Variants in GBP4 observed in about 807,000 individuals in gnomAD.
GBP4 encodes the protein guanylate-binding protein 4.
Under a neutral mutation model 62.2 loss-of-function variants are expected in GBP4, and 69 were observed. The ratio of observed to expected loss-of-function variants is 1.11; its 90% CI spans 0.91 to 1.36. The LOEUF (loss-of-function observed/expected upper bound fraction) is 1.36. Ranked by LOEUF, GBP4 falls within the 40% of genes most tolerant of loss-of-function variation. GBP4 has a pLI of 0.00. For synonymous variants in GBP4, 278 were observed against 274.6 expected, an observed-to-expected ratio of 1.01 and a Z score of -0.12; for missense variants, 697 against 759.3, an observed-to-expected ratio of 0.92 and a Z score of 0.96.
At chr1:89,192,809 T>C (rs1648222459) in intron 5 of GBP4, 95 bp downstream of exon 5, 1 of 1,172,718 alleles carries the variant, frequency 8.5e-7, no homozygotes, top group Non-Finnish European at 1.2e-6. Context: ...ATCAATCCAG[T>C]CTAATGTAAA....
intron 2 of GBP4, among the ~76,000 whole-genome samples, chr1:89,195,632 C>T (rs1346130014): frequency 6.6e-6 from 1 of 152,086 alleles, no homozygotes; most frequent in Admixed American, 6.5e-5. Flanking sequence ...TAGTAGACAG[C>T]GGTTCAGTCC....
intron 3 of GBP4, among the ~76,000 whole-genome samples, chr1:89,194,921 G>C (rs1312539203): frequency 2.0e-5 from 3 of 152,148 alleles, no homozygotes; most frequent in Non-Finnish European, 4.4e-5. Context: ...TCGAATGACT[G>C]AACTAGCTTC....
At position 89,186,517 on chromosome 1, in the gene GBP4, G is replaced by T. The variant is rs773408251; in HGVS notation, c.1523C>A (p.Ala508Asp). 1.2e-6 allele frequency: 2 copies of T among 1,613,652 alleles called. No individual in the cohort carries two copies. The highest frequency in any genetic ancestry group is 1.7e-6 in the Non-Finnish European group (2 of 1,179,904). Residue 508 changes from alanine to aspartate, a missense_variant, in exon 10 of 11, where the codon GCC becomes GAC. Ala to Asp is a moderately radical substitution (Grantham distance 126). Coordinates refer to ENST00000355754, the MANE Select transcript of GBP4 (RefSeq NM_052941.5). ...AGEKAIAAER[A>D]MKEAAEKEQE... ...TTCCTTCTCAGCTGCTTCCTTCATG[G>T]CCCGCTCCGCTATTCCACAAAGGTT...
intron 5 of GBP4, among the ~76,000 whole-genome samples, chr1:89,192,699 A>C (rs1648217492): frequency 6.6e-6 from 1 of 152,332 alleles, no homozygotes; most frequent in Middle Eastern, 3.4e-3. Flanking sequence ...AAATTTCCTC[A>C]ATGAATTTGA....
At chr1:89,194,858 T>C (rs1427266249) in intron 3 of GBP4, among the ~76,000 whole-genome samples, 1 of 152,200 alleles carries the variant, frequency 6.6e-6, no homozygotes, top group Non-Finnish European at 1.5e-5. Context: ...CCTTAAATAG[T>C]AGATCCCATT....
At chr1:89,191,582 C>A (rs112272933) in intron 5 of GBP4, 76 bp from the exon 6 acceptor site, 1 of 1,394,908 alleles carries the variant, frequency 7.2e-7, no homozygotes, top group Non-Finnish European at 9.9e-7. Context: ...TTCCAGGGAT[C>A]TTTGCATCCC....
At chr1:89,196,112 C>T (rs1429840355) in intron 2 of GBP4, among the ~76,000 whole-genome samples, 1 of 151,906 alleles carries the variant, frequency 6.6e-6, no homozygotes, top group Non-Finnish European at 1.5e-5. Context: ...TACATGTGCA[C>T]CAGGATATAA....
At chr1:89,196,352 G>A (rs2100679951) in intron 2 of GBP4, among the ~76,000 whole-genome samples, 1 of 152,236 alleles carries the variant, frequency 6.6e-6, no homozygotes, top group East Asian at 1.9e-4. Context: ...AAGTTTAAAA[G>A]CAGACCAACC....
chr1:89,187,028 G>C lies in GBP4; in HGVS notation c.1485C>G (p.Ala495=). 1.2e-6 allele frequency: 2 copies of C among 1,614,048 alleles called. No individual in the cohort carries two copies. The highest frequency in any genetic ancestry group is 1.7e-6 in the Non-Finnish European group (2 of 1,179,984). Residue 495 remains alanine, a synonymous_variant, in exon 9 of 11, where the codon GCC becomes GCG. Transcript: ENST00000355754. ...VEESILQSDK[A]LTAGEKAIAA... ...CTATGGCCTTCTCTCCAGCAGTGAG[G>C]GCTTTGTCTGACTGCAGGATGGATT...
At position 89,185,328 on chromosome 1, in the gene GBP4, T is replaced by C. The variant is rs1648006032; in HGVS notation, c.1849A>G (p.Ile617Val). The stretch of plus-strand genomic sequence containing the variant: ...GCCCCAGGTAGAGTGACAATCATTA[T>C]GTTGCTAGCCATGTCAAGGATCTTT... The part of the protein sequence containing the change: ...LLKILDMASN[I>V]MIVTLPGASK... The change falls in exon 11 of 11, where the codon ATA becomes GTA. Residue 617 changes from isoleucine to valine, a missense_variant. Physicochemically the swap from Ile to Val is conservative, Grantham distance 29 (BLOSUM62 3). Around this residue, in one of 2 missense-constraint regions of GBP4, gnomAD observed 141 missense variants for 196.6 expected, o/e 0.72. Coordinates refer to ENST00000355754, the MANE Select transcript of GBP4 (RefSeq NM_052941.5). 1 of 1,613,710 alleles carries C rather than the reference T, an allele frequency of 6.2e-7. No individual in the cohort carries two copies. Among genetic ancestry groups the C allele is most frequent in the African/African-American group, 1.3e-5 (1 of 75,060 alleles).
At chr1:89,187,800 T>C (rs1648077469) in intron 8 of GBP4, among the ~76,000 whole-genome samples, 1 of 152,210 alleles carries the variant, frequency 6.6e-6, no homozygotes. Flanking sequence ...ATCTCACACA[T>C]TTTAGAATGA....
At chr1:89,185,778 T>C (rs1438248527) in intron 10 of GBP4, among the ~76,000 whole-genome samples, 1 of 152,188 alleles carries the variant, frequency 6.6e-6, no homozygotes, top group South Asian at 2.1e-4. Context: ...TTTCCACTGG[T>C]GTAGCAAGGC....
intron 8 of GBP4, among the ~76,000 whole-genome samples, chr1:89,188,322 A>C (rs1462744189): frequency 2.0e-5 from 3 of 152,204 alleles, no homozygotes; most frequent in African/African-American, 4.8e-5. Flanking sequence ...CTTAGCACAA[A>C]AACTATCCCA....
At chr1:89,186,167 G>A (rs932793407) in intron 10 of GBP4, among the ~76,000 whole-genome samples, 166 bp downstream of exon 10, 1 of 152,224 alleles carries the variant, frequency 6.6e-6, no homozygotes, top group African/African-American at 2.4e-5. Context: ...GATTCTTGTA[G>A]ACTTTCGGGC....
intron 6 of GBP4, 36 bp from the exon 7 acceptor site, chr1:89,190,354 T>C (rs746672685): frequency 6.6e-7 from 1 of 1,510,028 alleles, no homozygotes; most frequent in Admixed American, 2.1e-5. Context: ...TTTACAGTTC[T>C]TACTCATTAT....
rs1570373668 is a variant in GBP4, at chr1:89,188,808, G to A, written c.1198-14C>T. 3.1e-6 allele frequency: 5 copies of A among 1,613,586 alleles called. No homozygotes were observed. Among genetic ancestry groups the A allele is most frequent in the Non-Finnish European group, 4.2e-6 (5 of 1,179,692 alleles). On this transcript the variant is annotated splice_polypyrimidine_tract_variant and intron_variant, in intron 7 of 10. Transcript: ENST00000355754. Reference sequence around the variant, plus strand: ...CTCTATGGTGTCCTGCCAGAAAAATGTAGAGAAAACAGTAGAAAGAAGCTG... The same window carrying A: ...CTCTATGGTGTCCTGCCAGAAAAATATAGAGAAAACAGTAGAAAGAAGCTG...
intron 1 of GBP4, 134 bp from the exon 2 acceptor site, chr1:89,197,438 A>G (rs1648377418): frequency 1.7e-6 from 1 of 586,702 alleles, no homozygotes; most frequent in African/African-American, 1.9e-5. Flanking sequence ...ATGGTATATA[A>G]ATATATTTCT....
chr1:89,194,109 G>A (rs1412275261), intron 3 of GBP4, among the ~76,000 whole-genome samples: 3 of 152,122 alleles, frequency 2.0e-5, no homozygotes, highest in Non-Finnish European at 4.4e-5. Flanking sequence ...GAAGAAGGAC[G>A]GATAAAGCAG....
chr1:89,194,413 A>G (rs1648270205), intron 3 of GBP4, among the ~76,000 whole-genome samples: 1 of 152,228 alleles, frequency 6.6e-6, no homozygotes, highest in South Asian at 2.1e-4. Flanking sequence ...AAGTTTATGA[A>G]AACTACAACA....
Sources: allele counts gnomAD v4.1 joint callset (sites outside exome capture counted in the v4.1 genomes callset), GRCh38; gene constraint gnomAD v4.1.1; regional missense constraint gnomAD v4.1.1; transcripts MANE v1.5; gene names NCBI Gene and HGNC (gene_info 2026-07-23, HGNC 2026-07-21).